The following PLAAT5 variants were observed in gnomAD, a reference collection of about 807,000 sequenced individuals.
The protein encoded by PLAAT5 is phospholipase A and acyltransferase 5, also known as Ca(2+)-independent N-acyltransferase.
PLAAT5 carries 27 observed loss-of-function variants against 27.8 expected under a neutral mutation model. The observed-to-expected ratio is 0.97, with a 90% CI of 0.72 to 1.34. PLAAT5 has a LOEUF of 1.34. Among genes scored for constraint, PLAAT5 ranks in the 40% most tolerant of loss-of-function variants. The pLI is 0.00. For missense variants in PLAAT5, 368 were observed against 343.8 expected, an observed-to-expected ratio of 1.07 and a Z score of -0.56; for synonymous variants, 125 against 136.1, an observed-to-expected ratio of 0.92 and a Z score of 0.57.
At chr11:63,481,425 G>A (rs1180898325) in intron 3 of PLAAT5, among the ~76,000 whole-genome samples, 3 of 152,174 alleles carry the variant, frequency 2.0e-5, no homozygotes, top group Non-Finnish European at 4.4e-5. Flanking sequence ...GGGTGACAGA[G>A]CAAGACTCCA....
rs887604183 is a variant in PLAAT5, at chr11:63,462,070, T to A, written c.*1433A>T. ...TTAATGAAACAACATCCAGTTTGTT[T>A]GATGAAAGATTAATATGGTCAATGA... On this transcript the variant is annotated 3_prime_UTR_variant, in exon 6 of 6. Transcript: ENST00000540857. 2.0e-5 allele frequency: 3 copies of A among 152,228 alleles called. No homozygotes were observed. The highest frequency in any genetic ancestry group is 4.4e-5 in the Non-Finnish European group (3 of 68,046). 9.4% of individuals were successfully genotyped at this position (152,228 alleles called of 1,614,324 possible). A position where few individuals can be genotyped will look rare whatever the true frequency, so the allele number is the denominator to read the frequency against.
intron 3 of PLAAT5, among the ~76,000 whole-genome samples, chr11:63,473,540 T>G (rs2016080334): frequency 6.6e-6 from 1 of 152,164 alleles, no homozygotes; most frequent in Non-Finnish European, 1.5e-5. Flanking sequence ...ATACATTGAA[T>G]TTTTCATAGG....
intron 4 of PLAAT5, 42 bp downstream of exon 4, chr11:63,468,315 C>T: frequency 7.1e-7 from 1 of 1,412,742 alleles, no homozygotes; most frequent in African/African-American, 1.4e-5. Context: ...ATTTACTTTG[C>T]TAACTTCAAT....
At position 63,468,473 on chromosome 11, in the gene PLAAT5, G is replaced by T; in HGVS notation, c.346-8C>A. 6.2e-7 allele frequency: 1 copy of T among 1,605,102 alleles called. No individual in the cohort carries two copies. Among genetic ancestry groups the T allele is most frequent in the Non-Finnish European group, 8.5e-7 (1 of 1,172,876 alleles). ...TCTGGGTCTTGGTTTTCCCTATAAT[G>T]GAAAAATAAAAGATAAATGGCACAT... is the stretch of plus-strand genomic sequence containing the variant. On this transcript the variant is annotated splice_region_variant and splice_polypyrimidine_tract_variant and intron_variant, in intron 3 of 5. Coordinates refer to ENST00000540857, the MANE Select transcript of PLAAT5 (RefSeq NM_001146729.2).
intron 3 of PLAAT5, among the ~76,000 whole-genome samples, chr11:63,477,553 G>A (rs941107346): frequency 2.6e-5 from 4 of 151,730 alleles, no homozygotes; most frequent in East Asian, 1.9e-4. Context: ...TCGGCCCACT[G>A]CAACCTCCGC....
At chr11:63,468,562 G>A in intron 3 of PLAAT5, 97 bp from the exon 4 acceptor site, 1 of 856,326 alleles carries the variant, frequency 1.2e-6, no homozygotes. Flanking sequence ...GATCCCCTCA[G>A]TGTGGTTCAT....
At chr11:63,490,767 G>T (rs1472471921) in intron 1 of PLAAT5, 120 bp downstream of exon 1, 2 of 964,176 alleles carry the variant, frequency 2.1e-6, no homozygotes, top group Admixed American at 2.9e-5. Flanking sequence ...ACTCGCTCAT[G>T]ATGGCTAACA....
chr11:63,468,055 CT>C (rs2015910114), intron 4 of PLAAT5, among the ~76,000 whole-genome samples: 1 of 152,186 alleles, frequency 6.6e-6, no homozygotes, highest in Non-Finnish European at 1.5e-5. Context: ...AGATGCTCAA[CT>C]TTTGTCAATA....
intron 3 of PLAAT5, among the ~76,000 whole-genome samples, chr11:63,487,860 T>A (rs983931392): frequency 6.6e-6 from 1 of 152,230 alleles, no homozygotes; most frequent in Non-Finnish European, 1.5e-5. Flanking sequence ...AAAATAGTTA[T>A]ATGGGCTGGC....
chr11:63,483,801 GTATATATA>G (rs71039646), intron 3 of PLAAT5, among the ~76,000 whole-genome samples: 545 of 24,042 alleles, frequency 0.023, 12 homozygotes, highest in African/African-American at 0.058. Flanking sequence ...ATATATATAT[GTATATATA>G]TATATATATA....
rs2015867563 is a variant in PLAAT5 at position 63,466,376 on chromosome 11, G to A, written c.455-4C>T. ...CTGCCCACCTCAAACTCCTCACCTG[G>A]AGACCAAAGACAAACAAAGGTTGGG... On this transcript the variant is annotated splice_polypyrimidine_tract_variant and splice_region_variant and intron_variant, in intron 4 of 5. Coordinates refer to ENST00000540857, the MANE Select transcript of PLAAT5 (RefSeq NM_001146729.2). 4 of 1,613,536 alleles carry A rather than the reference G, an allele frequency of 2.5e-6. No individual in the cohort carries two copies. Among genetic ancestry groups the A allele is most frequent in the African/African-American group, 1.3e-5 (1 of 74,862 alleles).
In PLAAT5 at chr11:63,466,380, C is replaced by A; in HGVS notation, c.455-8G>T. The A allele has an allele frequency of 1.9e-6, 3 of 1,613,340 alleles. No homozygotes were observed. Among genetic ancestry groups the A allele is most frequent in the Non-Finnish European group, 2.5e-6 (3 of 1,179,710 alleles). On this transcript the variant is annotated splice_polypyrimidine_tract_variant and splice_region_variant and intron_variant, in intron 4 of 5. Transcript: ENST00000540857. The stretch of plus-strand genomic sequence containing the variant: ...CCACCTCAAACTCCTCACCTGGAGA[C>A]CAAAGACAAACAAAGGTTGGGAAAT...
intron 3 of PLAAT5, among the ~76,000 whole-genome samples, chr11:63,473,730 T>C (rs544296165): frequency 5.9e-5 from 9 of 151,578 alleles, no homozygotes; most frequent in African/African-American, 1.7e-4. Context: ...TTTGGTTTTT[T>C]GAGAGGAAGT....
chr11:63,478,325 CTTT>C (rs768796267), intron 3 of PLAAT5, among the ~76,000 whole-genome samples: 1 of 143,942 alleles, frequency 6.9e-6, no homozygotes, highest in Non-Finnish European at 1.5e-5. Context: ...AATAGACTTT[CTTT>C]TTTTTTTTTT....
chr11:63,483,827 A>ATATATG (rs56301322), intron 3 of PLAAT5, among the ~76,000 whole-genome samples: 5 of 109,794 alleles, frequency 4.6e-5, no homozygotes, highest in African/African-American at 6.8e-5. Context: ...ATATATATAT[A>ATATATG]TATATATATA....
rs142398495 is a variant in PLAAT5 at position 63,470,209 on chromosome 11, G to C, written c.346-1744C>G. 9.3e-3 allele frequency: 1,492 copies of C among 159,808 alleles called. 9 individuals are homozygous for C. The highest frequency in any genetic ancestry group is 0.015 in the Non-Finnish European group (1,032 of 69,054). 9.9% of individuals were successfully genotyped at this position (159,808 alleles called of 1,614,324 possible). On this transcript the variant is annotated intron_variant, in intron 3 of 5. Coordinates refer to ENST00000540857, the MANE Select transcript of PLAAT5 (RefSeq NM_001146729.2). ...GAATAATGTGGCAAAGCCTTTAACT[G>C]GTCTTCAAACCTTAATGAACATAAG...
At chr11:63,478,037 G>A (rs1419711393) in intron 3 of PLAAT5, among the ~76,000 whole-genome samples, 1 of 152,174 alleles carries the variant, frequency 6.6e-6, no homozygotes, top group East Asian at 1.9e-4. Context: ...GGATTTCCAT[G>A]TTAAATTTTT....
chr11:63,475,701 C>T (rs2016136716), intron 3 of PLAAT5, among the ~76,000 whole-genome samples: 1 of 151,806 alleles, frequency 6.6e-6, no homozygotes, highest in African/African-American at 2.4e-5. Context: ...CCTCTTTTGC[C>T]TTCTTTTTTG....
intron 3 of PLAAT5, among the ~76,000 whole-genome samples, chr11:63,472,830 G>A (rs935179287): frequency 2.7e-4 from 41 of 152,162 alleles, no homozygotes; most frequent in African/African-American, 8.0e-4. Flanking sequence ...TGGCCCAGGC[G>A]CGGTGGCTCA....
Sources: allele counts gnomAD v4.1 joint callset (sites outside exome capture counted in the v4.1 genomes callset), GRCh38; gene constraint gnomAD v4.1.1; transcripts MANE v1.5; gene names NCBI Gene and HGNC (gene_info 2026-07-23, HGNC 2026-07-21).